The following COL15A1 variants were observed in gnomAD, a reference collection of about 807,000 sequenced individuals.
COL15A1 encodes the protein collagen type XV alpha 1 chain, also known as collagen alpha-1(XV) chain.
In COL15A1, 111 loss-of-function variants were observed where a neutral mutation model predicts 165.9. The ratio of observed to expected loss-of-function variants is 0.67; its 90% confidence interval spans 0.57 to 0.78. The LOEUF is 0.78. Among genes scored for constraint, COL15A1 ranks in the 30% least tolerant of loss-of-function variants. The pLI is 0.00. For synonymous variants in COL15A1, 659 were observed against 674.8 expected, an observed-to-expected ratio of 0.98 and a Z score of 0.36; for missense variants, 1,745 against 1,789.7, an observed-to-expected ratio of 0.98 and a Z score of 0.45.
chr9:99,051,470 C>G (rs1437885710), intron 30 of COL15A1, among the ~76,000 whole-genome samples: 1 of 152,226 alleles, frequency 6.6e-6, no homozygotes, highest in African/African-American at 2.4e-5. Context: ...AATGCTTCCT[C>G]TTACAGCCAG....
chr9:99,019,038 A>C (rs1362836373), intron 11 of COL15A1, among the ~76,000 whole-genome samples: 1 of 152,212 alleles, frequency 6.6e-6, no homozygotes, highest in Non-Finnish European at 1.5e-5. Flanking sequence ...AAACGGAGAC[A>C]TGGTTGATGT....
At chr9:99,025,421 A>G (rs2119020113) in intron 15 of COL15A1, among the ~76,000 whole-genome samples, 1 of 152,344 alleles carries the variant, frequency 6.6e-6, no homozygotes, top group East Asian at 1.9e-4. Context: ...GGCTAATGGA[A>G]GTGTTCTGAG....
chr9:98,994,584 C>T (rs1258400204), intron 5 of COL15A1, among the ~76,000 whole-genome samples: 1 of 152,190 alleles, frequency 6.6e-6, no homozygotes, highest in Admixed American at 6.5e-5. Flanking sequence ...TCCTCCATCA[C>T]CTGACAGCTT....
chr9:98,989,522 C>T (rs922433837), intron 5 of COL15A1, among the ~76,000 whole-genome samples: 2 of 152,202 alleles, frequency 1.3e-5, no homozygotes, highest in Non-Finnish European at 1.5e-5. Context: ...TGCTGTATTG[C>T]TTTGGAGCCT....
At chr9:98,976,032 T>A (rs1415587886) in intron 2 of COL15A1, among the ~76,000 whole-genome samples, 2 of 152,182 alleles carry the variant, frequency 1.3e-5, no homozygotes, top group African/African-American at 4.8e-5. Flanking sequence ...CTGAAGGCAC[T>A]GGGGAGCCAT....
chr9:99,003,780 G>A (rs1838706964), intron 8 of COL15A1, among the ~76,000 whole-genome samples, 193 bp downstream of exon 8: 1 of 152,218 alleles, frequency 6.6e-6, no homozygotes, highest in Non-Finnish European at 1.5e-5. Flanking sequence ...ACACTGTGCT[G>A]GGCACTAGGC....
chr9:98,982,792 C>A (rs1298959605), intron 2 of COL15A1, among the ~76,000 whole-genome samples: 1 of 152,082 alleles, frequency 6.6e-6, no homozygotes. Flanking sequence ...CAGGTGCACA[C>A]CACCTGGCTT....
intron 5 of COL15A1, among the ~76,000 whole-genome samples, chr9:98,995,358 G>A (rs940232565): frequency 2.0e-4 from 30 of 152,218 alleles, no homozygotes; most frequent in South Asian, 1.9e-3. Flanking sequence ...GTCACCTGGC[G>A]TAAGCCTCAG....
At chr9:99,034,621 T>TATTGTCC in intron 17 of COL15A1, 37 bp downstream of exon 17, 1 of 1,329,792 alleles carries the variant, frequency 7.5e-7, no homozygotes, top group East Asian at 3.0e-5. Context: ...AAAAGAACTT[T>TATTGTCC]CTTCTCCCTC....
intron 26 of COL15A1, 151 bp from the exon 27 acceptor site, chr9:99,047,635 G>A (rs372649469): frequency 4.6e-5 from 35 of 767,624 alleles, no homozygotes; most frequent in Non-Finnish European, 6.1e-5. Flanking sequence ...CAAGGAGGCC[G>A]CAGGCAGGGG....
At chr9:99,003,040 G>A (rs974093765) in intron 7 of COL15A1, among the ~76,000 whole-genome samples, 1 of 152,234 alleles carries the variant, frequency 6.6e-6, no homozygotes, top group Non-Finnish European at 1.5e-5. Flanking sequence ...GAATGTCTCT[G>A]TCTCCCAGCC....
intron 4 of COL15A1, among the ~76,000 whole-genome samples, 153 bp from the exon 5 acceptor site, chr9:98,989,023 GAC>G (rs67974914): frequency 0.085 from 12,300 of 144,196 alleles, 626 homozygotes; most frequent in Admixed American, 0.12. Flanking sequence ...GTCTCTCATA[GAC>G]ACACACACAC....
At chr9:98,944,383 C>T (rs1837541446) in intron 2 of COL15A1, 133 bp downstream of exon 2, 2 of 905,814 alleles carry the variant, frequency 2.2e-6, no homozygotes, top group Non-Finnish European at 3.4e-6. Flanking sequence ...TCAGTGCGCA[C>T]TGGCGGTCCC....
intron 2 of COL15A1, among the ~76,000 whole-genome samples, chr9:98,951,208 T>C (rs1043883233): frequency 4.6e-5 from 7 of 152,250 alleles, no homozygotes; most frequent in Non-Finnish European, 2.9e-5. Flanking sequence ...GTCATTATTA[T>C]AAATAGTGCT....
intron 39 of COL15A1, among the ~76,000 whole-genome samples, chr9:99,065,272 C>T (rs190023840): frequency 2.5e-4 from 38 of 152,218 alleles, no homozygotes; most frequent in Non-Finnish European, 4.7e-4. Flanking sequence ...CTTAGGTGGC[C>T]CCTGGCATTG....
chr9:99,045,829 C>T (rs80125959), intron 26 of COL15A1, among the ~76,000 whole-genome samples: 2,914 of 152,290 alleles, frequency 0.019, 34 homozygotes, highest in Non-Finnish European at 0.03. Flanking sequence ...ACATTTTGGG[C>T]TAGAGAATTG....
intron 35 of COL15A1, among the ~76,000 whole-genome samples, chr9:99,058,545 C>T (rs1006302546): frequency 1.3e-5 from 2 of 152,210 alleles, no homozygotes; most frequent in African/African-American, 4.8e-5. Context: ...TCCACAGCAA[C>T]ACTACATTAG....
chr9:99,042,321 A>G (rs1839420790), intron 24 of COL15A1, among the ~76,000 whole-genome samples: 1 of 152,244 alleles, frequency 6.6e-6, no homozygotes, highest in South Asian at 2.1e-4. Context: ...GAACATTTTC[A>G]TCATACCAGA....
intron 9 of COL15A1, among the ~76,000 whole-genome samples, chr9:99,011,423 A>AAAAACC (rs548063268): frequency 7.4e-6 from 1 of 135,136 alleles, no homozygotes; most frequent in Non-Finnish European, 1.6e-5. Flanking sequence ...AAAAAAAAAA[A>AAAAACC]AGTCATTTTA....
Sources: allele counts gnomAD v4.1 joint callset (sites outside exome capture counted in the v4.1 genomes callset), GRCh38; gene constraint gnomAD v4.1.1; transcripts MANE v1.5; gene names NCBI Gene and HGNC (gene_info 2026-07-23, HGNC 2026-07-21).